SMARCE1: variants seen among roughly 807,000 people sequenced by gnomAD.
SMARCE1 encodes the protein SWI/SNF-related matrix-associated actin-dependent regulator of chromatin subfamily E member 1.
SMARCE1 carries 13 observed loss-of-function variants against 54.9 expected under a neutral mutation model. That is an observed-to-expected ratio of 0.24 (90% CI 0.15 to 0.38). The LOEUF (loss-of-function observed/expected upper bound fraction) is 0.38, where lower values mean the gene tolerates loss of function less well. SMARCE1 is among the 10% of genes least tolerant of loss of function. The pLI is 1.00. For synonymous variants in SMARCE1, 151 were observed against 175.3 expected (o/e 0.86, Z 1.10); for missense variants, 295 against 523.8 (o/e 0.56, Z 4.26).
In SMARCE1 at chr17:40,625,168, T is replaced by C. The variant is rs146940682; in HGVS notation, c.*3617A>G. 6 of 152,380 alleles carry C rather than the reference T, an allele frequency of 3.9e-5. No individual in the cohort carries two copies. The highest frequency in any genetic ancestry group is 1.4e-4 in the African/African-American group (6 of 41,588). The allele number at this position is 152,380 out of a possible 1,614,324, so 9.4% of individuals were successfully genotyped here. On this transcript the variant is annotated 3_prime_UTR_variant, in exon 11 of 11. Coordinates refer to ENST00000348513, the MANE Select transcript of SMARCE1 (RefSeq NM_003079.5). ...GAAATTGTACACTGGCAATTTCTTA[T>C]GGTTCAACCTAATAGTAAAACATTT...
chr17:40,642,973 T>C lies in SMARCE1; in HGVS notation c.52-414A>G, dbSNP rs985059678. Reference sequence around the variant, plus strand: ...CAACTAGAACTCTGAAAACACTACATGCAAAACAAAATACAATTTATTTGA... The same window carrying C: ...CAACTAGAACTCTGAAAACACTACACGCAAAACAAAATACAATTTATTTGA... On this transcript the variant is annotated intron_variant, in intron 3 of 10. Transcript: ENST00000348513. This position sits in a 1 kb window ranked among gnomAD's most constrained non-coding sequence, Gnocchi z 4.6. 1.9e-5 allele frequency: 3 copies of C among 157,000 alleles called. No homozygotes were observed. Among genetic ancestry groups the C allele is most frequent in the African/African-American group, 7.2e-5 (3 of 41,620 alleles). The allele number at this position is 157,000 out of a possible 1,614,324, so 9.7% of individuals were successfully genotyped here.
chr17:40,645,393 G>T, intron 3 of SMARCE1, 183 bp downstream of exon 3: 2 of 487,160 alleles, frequency 4.1e-6, no homozygotes, highest in South Asian at 4.0e-5. Flanking sequence ...TTAAATGTTG[G>T]GGTTGGTTCA....
At chr17:40,630,576 A>G (rs934071900) in intron 10 of SMARCE1, 138 bp downstream of exon 10, 33 of 716,690 alleles carry the variant, frequency 4.6e-5, no homozygotes, top group African/African-American at 1.8e-4. Context: ...CTGAATGTCA[A>G]TATCATGTCA....
intron 3 of SMARCE1, chr17:40,645,209 A>T (rs1474103207): frequency 2.9e-6 from 1 of 345,268 alleles, no homozygotes; most frequent in Admixed American, 4.7e-5. Context: ...AACCAGTTGA[A>T]GGTTAGGTTT....
In SMARCE1 at chr17:40,627,718, A is replaced by AT. The variant is rs3033073; in HGVS notation, c.*1066dup. On this transcript the variant is annotated 3_prime_UTR_variant, in exon 11 of 11. Coordinates refer to ENST00000348513, the MANE Select transcript of SMARCE1 (RefSeq NM_003079.5). ...TTAAAAACACTGAGACCTTTTTTTC[A>AT]TTTTTTTTTTTATTACATTTGGACC... 1,122 of 151,756 alleles carry AT rather than the reference A, an allele frequency of 7.4e-3. 10 individuals are homozygous for AT. Among genetic ancestry groups the AT allele is most frequent in the Middle Eastern group, 0.031 (9 of 292 alleles). 9.4% of individuals were successfully genotyped at this position (151,756 alleles called of 1,614,324 possible).
In SMARCE1 at chr17:40,626,368, A is replaced by G. The variant is rs2037034820; in HGVS notation, c.*2417T>C. ...TCAAGGAGCAGTAAGGGCACCAAGAAAGAGCAGTTTGATCTATTTTATAAT... is the reference window on the plus strand; with the variant it reads ...TCAAGGAGCAGTAAGGGCACCAAGAGAGAGCAGTTTGATCTATTTTATAAT... On this transcript the variant is annotated 3_prime_UTR_variant, in exon 11 of 11. Coordinates refer to ENST00000348513, the MANE Select transcript of SMARCE1 (RefSeq NM_003079.5). 2 of 152,218 alleles carry G rather than the reference A, an allele frequency of 1.3e-5. No homozygotes were observed. The highest frequency in any genetic ancestry group is 1.9e-4 in the East Asian group (1 of 5,206). The allele number at this position is 152,218 out of a possible 1,614,324, so 9.4% of individuals were successfully genotyped here.
At chr17:40,637,674 C>A in intron 4 of SMARCE1, 102 bp from the exon 5 acceptor site, 1 of 808,758 alleles carries the variant, frequency 1.2e-6, no homozygotes, top group Non-Finnish European at 2.1e-6. Context: ...TTCTTCTATT[C>A]GTCCAAATAT....
At chr17:40,643,615 T>C (rs1040890129) in intron 3 of SMARCE1, 2 of 152,324 alleles carry the variant, frequency 1.3e-5, no homozygotes, top group African/African-American at 4.8e-5. Flanking sequence ...AATCAAAATA[T>C]GTGACAATTT....
chr17:40,646,599 T>C (rs1192367072), intron 1 of SMARCE1, among the ~76,000 whole-genome samples: 2 of 152,194 alleles, frequency 1.3e-5, no homozygotes, highest in African/African-American at 2.4e-5. Context: ...AGAGGGACCA[T>C]GTCAGGACCT....
At position 40,625,126 on chromosome 17, in the gene SMARCE1, C is replaced by T. The variant is rs1240420000; in HGVS notation, c.*3659G>A. On this transcript the variant is annotated 3_prime_UTR_variant, in exon 11 of 11. Transcript: ENST00000348513. ...TATAAAATGCAGAATTTAGGTTAAG[C>T]CAGTCATTTTGTAGATGAAATTGTA... 1 of 152,160 alleles carries T rather than the reference C, an allele frequency of 6.6e-6. No homozygotes were observed. Among genetic ancestry groups the T allele is most frequent in the Admixed American group, 6.5e-5 (1 of 15,292 alleles). 9.4% of individuals were successfully genotyped at this position (152,160 alleles called of 1,614,324 possible).
chr17:40,641,872 C>G (rs116420115), intron 4 of SMARCE1: 1 of 154,856 alleles, frequency 6.5e-6, no homozygotes. Flanking sequence ...TAGTCTGATA[C>G]TTCAAATTAA....
In SMARCE1 at chr17:40,642,172, A is replaced by C; in HGVS notation, c.156+283T>G. 1.9e-6 allele frequency: 1 copy of C among 519,122 alleles called. No individual in the cohort carries two copies. Among genetic ancestry groups the C allele is most frequent in the Non-Finnish European group, 3.3e-6 (1 of 299,690 alleles). The allele number at this position is 519,122 out of a possible 1,614,324, so 32.2% of individuals were successfully genotyped here. On this transcript the variant is annotated intron_variant, in intron 4 of 10. Coordinates refer to ENST00000348513, the MANE Select transcript of SMARCE1 (RefSeq NM_003079.5). The surrounding 1 kb of genome is among the most constrained non-coding windows in gnomAD (Gnocchi z 4.6). Reference sequence around the variant, plus strand: ...CAAAAAGGATATTTTTACCTTAAGAAATTCTGTTTGTTTACATACAGTATA... The same window carrying C: ...CAAAAAGGATATTTTTACCTTAAGACATTCTGTTTGTTTACATACAGTATA...
In SMARCE1 at chr17:40,642,152, A is replaced by C; in HGVS notation, c.156+303T>G. The C allele has an allele frequency of 1.9e-6, 1 of 513,718 alleles. No individual in the cohort carries two copies. Among genetic ancestry groups the C allele is most frequent in the Non-Finnish European group, 3.4e-6 (1 of 296,212 alleles). 31.8% of individuals were successfully genotyped at this position (513,718 alleles called of 1,614,324 possible). ...ATGAAAAATACTCTTTATGTCAAAA[A>C]GGATATTTTTACCTTAAGAAATTCT... On this transcript the variant is annotated intron_variant, in intron 4 of 10. Coordinates refer to ENST00000348513, the MANE Select transcript of SMARCE1 (RefSeq NM_003079.5). This position sits in a 1 kb window ranked among gnomAD's most constrained non-coding sequence, Gnocchi z 4.6.
At chr17:40,636,288 G>A in intron 6 of SMARCE1, 107 bp downstream of exon 6, 1 of 1,279,192 alleles carries the variant, frequency 7.8e-7, no homozygotes, top group Non-Finnish European at 1.1e-6. Flanking sequence ...CAGAGCCTCA[G>A]TACTGCATCA....
At chr17:40,630,440 G>C (rs2037081531) in intron 10 of SMARCE1, 1 of 635,520 alleles carries the variant, frequency 1.6e-6, no homozygotes, top group Non-Finnish European at 2.8e-6. Flanking sequence ...ACAAAAACAA[G>C]TGGTGGGCAG....
At position 40,628,501 on chromosome 17, in the gene SMARCE1, T is replaced by TA. The variant is rs1046068594; in HGVS notation, c.*283dup. ...GAGTAGATTCTGCAGCATCAAAGGA[T>TA]AATTCTCTAAAAGAGGTGGGTGTTT... On this transcript the variant is annotated 3_prime_UTR_variant, in exon 11 of 11. Coordinates refer to ENST00000348513, the MANE Select transcript of SMARCE1 (RefSeq NM_003079.5). 44 of 347,202 alleles carry TA rather than the reference T, an allele frequency of 1.3e-4. No individual in the cohort carries two copies. Among genetic ancestry groups the TA allele is most frequent in the Non-Finnish European group, 2.3e-4 (42 of 185,848 alleles). The allele number at this position is 347,202 out of a possible 1,614,324, so 21.5% of individuals were successfully genotyped here.
intron 5 of SMARCE1, 28 bp from the exon 6 acceptor site, chr17:40,636,554 A>G (rs752797418): frequency 1.9e-6 from 3 of 1,584,134 alleles, no homozygotes; most frequent in Non-Finnish European, 2.6e-6. Context: ...TGAAATGTTA[A>G]TACTGATGTC....
chr17:40,631,857 T>C (rs973717361), intron 8 of SMARCE1, 164 bp from the exon 9 acceptor site: 2 of 577,772 alleles, frequency 3.5e-6, no homozygotes, highest in African/African-American at 1.9e-5. Context: ...TTATGATCAA[T>C]AGGTAAATGT....
At chr17:40,644,694 G>A (rs1282874798) in intron 3 of SMARCE1, 2 of 152,170 alleles carry the variant, frequency 1.3e-5, no homozygotes, top group African/African-American at 4.8e-5. Context: ...AATATGAGTA[G>A]TTTTTTAGCG....
Sources: allele counts gnomAD v4.1 joint callset (sites outside exome capture counted in the v4.1 genomes callset), GRCh38; gene constraint gnomAD v4.1.1; non-coding constraint Gnocchi (gnomAD v3.1); transcripts MANE v1.5; gene names NCBI Gene and HGNC (gene_info 2026-07-23, HGNC 2026-07-21).